DNAH9: variants seen among roughly 807,000 people sequenced by gnomAD.
DNAH9 encodes the protein dynein axonemal heavy chain 9.
Under a neutral mutation model 471.6 loss-of-function variants are expected in DNAH9, and 345 were observed. The observed-to-expected ratio is 0.73, with a 90% CI of 0.67 to 0.80. The LOEUF is 0.80. Ranked by LOEUF, DNAH9 falls within the 30% of genes least tolerant of loss-of-function variation. The probability of loss-of-function intolerance (pLI) is 0.00; values close to 1 mark genes in which losing one functional copy is unlikely to be tolerated. For missense variants in DNAH9, 5,407 were observed against 5,609.2 expected, an observed-to-expected ratio of 0.96 and a Z score of 1.15; for synonymous variants, 2,093 against 2,123.6, an observed-to-expected ratio of 0.99 and a Z score of 0.40.
chr17:11,656,887 T>C (rs1435699137), intron 14 of DNAH9, among the ~76,000 whole-genome samples: 1 of 152,192 alleles, frequency 6.6e-6, no homozygotes, highest in Non-Finnish European at 1.5e-5. Flanking sequence ...CCTAGTGTTA[T>C]TGAGATTTAT....
chr17:11,663,099 C>T (rs887203627), intron 14 of DNAH9, among the ~76,000 whole-genome samples: 4 of 152,246 alleles, frequency 2.6e-5, no homozygotes, highest in Admixed American at 6.5e-5. Flanking sequence ...ACTCTGGAAT[C>T]GAGCAGCTCT....
intron 62 of DNAH9, 132 bp from the exon 63 acceptor site, chr17:11,929,734 C>A: frequency 1.4e-6 from 1 of 736,928 alleles, no homozygotes. Flanking sequence ...TCTGTTACGT[C>A]TTACCACAAT....
chr17:11,740,845 C>G (rs1302610378), intron 29 of DNAH9, among the ~76,000 whole-genome samples: 1 of 152,184 alleles, frequency 6.6e-6, no homozygotes, highest in East Asian at 1.9e-4. Context: ...TCCCCGCCCC[C>G]AGTCCTGTCA....
In DNAH9 at chr17:11,797,811, C is replaced by T. The variant is rs1393317976; in HGVS notation, c.8420+18C>T. 2 of 1,602,830 alleles carry T rather than the reference C, an allele frequency of 1.2e-6. No individual in the cohort carries two copies. The highest frequency in any genetic ancestry group is 3.4e-5 in the Admixed American group (2 of 58,738). ...CGCCATGTGTAAGTGTGCTTCTCCT[C>T]TTCCTTTTCCTCAGTTGCTTCCTCT... is the stretch of plus-strand genomic sequence containing the variant. On this transcript the variant is annotated intron_variant, in intron 43 of 68. Coordinates refer to ENST00000262442, the MANE Select transcript of DNAH9 (RefSeq NM_001372.4).
intron 10 of DNAH9, 112 bp downstream of exon 10, chr17:11,640,496 C>T: frequency 2.5e-6 from 2 of 788,198 alleles, no homozygotes; most frequent in African/African-American, 1.7e-5. Context: ...AATCATCTTC[C>T]TTTCTTTCCA....
intron 45 of DNAH9, among the ~76,000 whole-genome samples, chr17:11,821,512 A>C (rs1164098109): frequency 6.6e-6 from 1 of 152,056 alleles, no homozygotes; most frequent in African/African-American, 2.4e-5. Context: ...TATGTTTGTT[A>C]TGGCCCTTTT....
intron 1 of DNAH9, among the ~76,000 whole-genome samples, chr17:11,600,216 T>C (rs2072356292): frequency 6.6e-6 from 1 of 152,236 alleles, no homozygotes; most frequent in Admixed American, 6.5e-5. Context: ...TTAGATCAGC[T>C]TCTCTAATGA....
chr17:11,655,605 G>GTA (rs1216370753), intron 14 of DNAH9, among the ~76,000 whole-genome samples: 6 of 30,792 alleles, frequency 1.9e-4, no homozygotes, highest in South Asian at 3.9e-3. Flanking sequence ...CAGTCCCCAT[G>GTA]TATATATATA....
chr17:11,817,412 G>A (rs1207921421), intron 45 of DNAH9, among the ~76,000 whole-genome samples: 2 of 152,088 alleles, frequency 1.3e-5, no homozygotes, highest in African/African-American at 4.8e-5. Flanking sequence ...TGCTTTCAAC[G>A]TCTTGGAATT....
intron 19 of DNAH9, among the ~76,000 whole-genome samples, chr17:11,688,149 T>A (rs907548899): frequency 6.7e-6 from 1 of 149,356 alleles, no homozygotes; most frequent in Non-Finnish European, 1.5e-5. Flanking sequence ...GGGTCTTATG[T>A]TGGGGAAAAC....
chr17:11,716,324 C>T (rs2074961964), intron 26 of DNAH9, among the ~76,000 whole-genome samples: 2 of 151,944 alleles, frequency 1.3e-5, no homozygotes, highest in South Asian at 4.2e-4. Context: ...CAGGTAATCT[C>T]CCTGCCTCGG....
In DNAH9 at chr17:11,757,682, C is replaced by T. The variant is rs1191429300; in HGVS notation, c.6985C>T (p.Leu2329Phe). The change falls in exon 35 of 69, where the codon CTC (leucine) becomes TTC (phenylalanine). Residue 2329 changes from leucine (L) to phenylalanine (F), a missense_variant. By Grantham distance (22) the Leu-to-Phe change is conservative. This residue lies in a region of DNAH9 where 4,636 missense variants were observed against 4,900.3 expected (regional missense o/e 0.95). Transcript: ENST00000262442. ...DKYLPTCLDT[L>F]RTRFKKIIPI... ...GTATCTTCCAACCTGCCTAGACACACTCAGAACCAGGTAGGCCAAGAAACA... is the reference window on the plus strand; with the variant it reads ...GTATCTTCCAACCTGCCTAGACACATTCAGAACCAGGTAGGCCAAGAAACA... The T allele has an allele frequency of 6.2e-7, 1 of 1,613,896 alleles. No homozygotes were observed. Among genetic ancestry groups the T allele is most frequent in the Admixed American group, 1.7e-5 (1 of 60,004 alleles).
In DNAH9 at chr17:11,598,884, C is replaced by T. The variant is rs761014711; in HGVS notation, c.386C>T (p.Pro129Leu). 6.5e-7 allele frequency: 1 copy of T among 1,541,458 alleles called. No individual in the cohort carries two copies. Among genetic ancestry groups the T allele is most frequent in the Non-Finnish European group, 8.7e-7 (1 of 1,150,524 alleles). The stretch of plus-strand genomic sequence containing the variant: ...GTCTGCGGGGACCTGCCCGCGGCAC[C>T]TCTGGAGCACCTAGCCGCGCTGTTC... ...AVVCGDLPAA[P>L]LEHLAALFSE... Residue 129 changes from proline to leucine, a missense_variant, in exon 1 of 69, where the codon CCT becomes CTT. This residue lies in a region of DNAH9 where 767 missense variants were observed against 692.5 expected (regional missense o/e 1.11). Coordinates refer to ENST00000262442, the MANE Select transcript of DNAH9 (RefSeq NM_001372.4).
chr17:11,619,423 T>A (rs1443765531), intron 5 of DNAH9, 125 bp from the exon 6 acceptor site: 33 of 684,066 alleles, frequency 4.8e-5, no homozygotes, highest in Non-Finnish European at 6.8e-5. Flanking sequence ...GAAAGCGAGG[T>A]CAGATGTTTC....
At chr17:11,696,310 T>C (rs759336816) in intron 22 of DNAH9, among the ~76,000 whole-genome samples, 41 of 152,104 alleles carry the variant, frequency 2.7e-4, no homozygotes, top group Non-Finnish European at 5.6e-4. Context: ...GTCAAAGATA[T>C]CTCCCTCATT....
Position 11,711,959 on chromosome 17 carries a change from A to T in DNAH9, c.5552+6774A>T, listed in dbSNP as rs577698685. On this transcript the variant is annotated intron_variant, in intron 26 of 68. Coordinates refer to ENST00000262442, the MANE Select transcript of DNAH9 (RefSeq NM_001372.4). The stretch of plus-strand genomic sequence containing the variant: ...ATATTTGTATATATATTTATATATA[A>T]ATATATATATTTGTATATATATTTA... Among the ~76,000 whole-genome samples, 2 of 14,484 alleles carry T rather than the reference A, an allele frequency of 1.4e-4. 1 individual carries two copies. 9.5% of individuals were successfully genotyped at this position (14,484 alleles called of 152,430 possible).
chr17:11,701,239 C>T lies in DNAH9; in HGVS notation c.5143C>T (p.Pro1715Ser), dbSNP rs2150772873. ...GAGGGAGCAGTGGCTTTTTGACCAC[C>T]CAGCTCAGGTATTCTCCTAATGGGA... ...KPREQWLFDH[P>S]AQVALTCTQI... The change falls in exon 24 of 69, where the codon CCA becomes TCA. Residue 1715 changes from proline to serine, a missense_variant. By Grantham distance (74) the Pro-to-Ser change is moderately conservative. This residue lies in a region of DNAH9 where 4,636 missense variants were observed against 4,900.3 expected (regional missense o/e 0.95). Transcript: ENST00000262442. 6.2e-7 allele frequency: 1 copy of T among 1,613,356 alleles called. No homozygotes were observed. Among genetic ancestry groups the T allele is most frequent in the Non-Finnish European group, 8.5e-7 (1 of 1,179,940 alleles).
chr17:11,658,049 G>A (rs1472227233), intron 14 of DNAH9, among the ~76,000 whole-genome samples: 1 of 151,936 alleles, frequency 6.6e-6, no homozygotes. Flanking sequence ...CAATTTCTAG[G>A]GGGAAAAAGG....
At chr17:11,731,620 A>G (rs1186930647) in intron 28 of DNAH9, among the ~76,000 whole-genome samples, 4 of 138,732 alleles carry the variant, frequency 2.9e-5, no homozygotes, top group African/African-American at 8.1e-5. Flanking sequence ...TCTTTGTTCA[A>G]TTCCCACCTA....
Sources: allele counts gnomAD v4.1 joint callset (sites outside exome capture counted in the v4.1 genomes callset), GRCh38; gene constraint gnomAD v4.1.1; regional missense constraint gnomAD v4.1.1; transcripts MANE v1.5; gene names NCBI Gene and HGNC (gene_info 2026-07-23, HGNC 2026-07-21).